Variants in CRHR2 observed in about 807,000 individuals in gnomAD.
CRHR2 encodes corticotropin releasing hormone receptor 2.
A neutral mutation model predicts 57.9 loss-of-function variants in CRHR2; 53 were observed. That is an observed-to-expected ratio of 0.92 (90% confidence interval 0.73 to 1.15). The LOEUF (loss-of-function observed/expected upper bound fraction) is 1.15, where lower values mean the gene tolerates loss of function less well. Among genes scored for constraint, CRHR2 ranks in the 50% most tolerant of loss-of-function variants. The pLI is 0.00. For missense variants in CRHR2, 532 were observed against 542.6 expected (o/e 0.98, Z 0.19); for synonymous variants, 213 against 220.9 (o/e 0.96, Z 0.32).
upstream of CRHR2, among the ~76,000 whole-genome samples, chr7:30,685,683 C>G (rs547381183): frequency 1.3e-5 from 2 of 152,334 alleles, no homozygotes; most frequent in African/African-American, 4.8e-5. Flanking sequence ...AAAGGACTCT[C>G]AGTGACATCC....
intron 2 of CRHR2, among the ~76,000 whole-genome samples, chr7:30,680,475 G>A (rs1460341358): frequency 2.6e-5 from 4 of 152,168 alleles, no homozygotes; most frequent in African/African-American, 9.7e-5. Context: ...CTTTACCCTG[G>A]ATGGCCCTTA....
Position 30,666,736 on chromosome 7 carries a change from G to A in CRHR2, c.315+492C>T, listed in dbSNP as rs532575810. Among the ~76,000 whole-genome samples the A allele has an allele frequency of 3.9e-5, 6 of 152,364 alleles. No homozygotes were observed. In the South Asian group the frequency reaches 6.2e-4, roughly 16 times the overall value. On this transcript the variant is annotated intron_variant, in intron 3 of 11. Transcript: ENST00000471646. ...GGCGTAGCCTCAAGGAGAGGAGTTC[G>A]GTGCCTCAGCAGCACTGAATTGAAT...
At position 30,653,600 on chromosome 7, in the gene CRHR2, C is replaced by G; in HGVS notation, c.1096G>C (p.Val366Leu). The change falls in exon 12 of 12, where the codon GTG becomes CTG. Residue 366 changes from valine (V) to leucine (L), a missense_variant and splice_region_variant. Transcript: ENST00000471646. The surrounding 1 kb of genome is among the most constrained non-coding windows in gnomAD (Gnocchi z 5.0). ...SVFYCFFNGEVRSAVRKRWHR... is the reference protein window; with the variant it reads ...SVFYCFFNGELRSAVRKRWHR... Reference sequence around the variant, plus strand: ...CACCTCTTCCTCACGGCTGAGCGCACCTGTGGGGAAGGCAGAGGCTCAGCT... The same window carrying G: ...CACCTCTTCCTCACGGCTGAGCGCAGCTGTGGGGAAGGCAGAGGCTCAGCT... The G allele has an allele frequency of 6.2e-7, 1 of 1,608,688 alleles. No homozygotes were observed. The highest frequency in any genetic ancestry group is 8.5e-7 in the Non-Finnish European group (1 of 1,178,910).
At chr7:30,684,903 G>A (rs539589528), upstream of CRHR2, among the ~76,000 whole-genome samples, 2 of 152,348 alleles carry the variant, frequency 1.3e-5, no homozygotes, top group Non-Finnish European at 2.9e-5. Flanking sequence ...AACAAAGACA[G>A]GGGCATTTTT....
intron 2 of CRHR2, among the ~76,000 whole-genome samples, chr7:30,674,071 C>G (rs1183870802): frequency 6.6e-6 from 1 of 152,200 alleles, no homozygotes; most frequent in Admixed American, 6.5e-5. Flanking sequence ...CAGAGACCCT[C>G]AACTCCCTAT....
intron 11 of CRHR2, 199 bp downstream of exon 11, chr7:30,654,840 T>G: frequency 6.5e-7 from 1 of 1,544,102 alleles, no homozygotes; most frequent in Non-Finnish European, 8.7e-7. Flanking sequence ...TGGCATGTTA[T>G]TTCGGGGCTG....
At chr7:30,662,586 G>A (rs1242153034) in intron 6 of CRHR2, 108 bp downstream of exon 6, 1 of 1,368,224 alleles carries the variant, frequency 7.3e-7, no homozygotes. Flanking sequence ...GACTGCGCTG[G>A]GGGTGGAGGG....
At chr7:30,676,617 G>A (rs1014763340) in intron 2 of CRHR2, among the ~76,000 whole-genome samples, 2 of 152,158 alleles carry the variant, frequency 1.3e-5, no homozygotes, top group African/African-American at 2.4e-5. Flanking sequence ...CCCTCTTCCC[G>A]ATCTCTGACT....
chr7:30,686,459 C>G (rs760100944), upstream of CRHR2: 88 of 1,530,012 alleles, frequency 5.8e-5, no homozygotes, highest in Non-Finnish European at 7.3e-5. Context: ...TTTGACCAAC[C>G]CTGGCATATG....
At chr7:30,699,354 A>T (rs1785121214) in intron 1 of CRHR2, among the ~76,000 whole-genome samples, 1 of 152,318 alleles carries the variant, frequency 6.6e-6, no homozygotes, top group East Asian at 1.9e-4. Context: ...TGGTTCTCCC[A>T]GAGCCCACTC....
chr7:30,673,502 G>A (rs1784428025), intron 2 of CRHR2, among the ~76,000 whole-genome samples: 2 of 152,204 alleles, frequency 1.3e-5, no homozygotes, highest in Non-Finnish European at 1.5e-5. Context: ...GCAGGCATGA[G>A]CCACCATGCC....
upstream of CRHR2, among the ~76,000 whole-genome samples, chr7:30,684,323 C>T (rs1427187732): frequency 3.9e-5 from 6 of 152,212 alleles, no homozygotes; most frequent in Admixed American, 1.3e-4. Flanking sequence ...CAAGGGATAG[C>T]CCTTCACACA....
intron 7 of CRHR2, among the ~76,000 whole-genome samples, chr7:30,660,974 C>G (rs571067559): frequency 6.6e-6 from 1 of 152,378 alleles, no homozygotes; most frequent in East Asian, 1.9e-4. Flanking sequence ...GAGAGCTGGG[C>G]TCCCCCTTGC....
chr7:30,662,090 G>T, intron 7 of CRHR2, 66 bp downstream of exon 7: 1 of 1,567,726 alleles, frequency 6.4e-7, no homozygotes, highest in Non-Finnish European at 8.8e-7. Flanking sequence ...CAGAGCCCAA[G>T]GCTGACCTGT....
chr7:30,662,254 G>A (rs1159502908), intron 6 of CRHR2, 38 bp from the exon 7 acceptor site: 3 of 1,608,566 alleles, frequency 1.9e-6, no homozygotes, highest in Admixed American at 1.7e-5. Context: ...GGGGACAGAT[G>A]GACAGGGACT....
chr7:30,655,724 G>A lies in CRHR2; in HGVS notation c.918-9C>T, dbSNP rs1178190277. On this transcript the variant is annotated splice_polypyrimidine_tract_variant and intron_variant, in intron 9 of 11. Coordinates refer to ENST00000471646, the MANE Select transcript of CRHR2 (RefSeq NM_001883.5). Reference sequence around the variant, plus strand: ...TGGCCTTCACTGCCTTCCTGGGGGCGAGAGGTGGACACAGGTCTGAGCCCA... The same window carrying A: ...TGGCCTTCACTGCCTTCCTGGGGGCAAGAGGTGGACACAGGTCTGAGCCCA... The A allele has an allele frequency of 8.7e-6, 14 of 1,612,250 alleles. No homozygotes were observed. The highest frequency in any genetic ancestry group is 1.6e-4 in the Middle Eastern group (1 of 6,070).
Position 30,665,532 on chromosome 7 carries a change from C to A in CRHR2, c.423G>T (p.Leu141=). ...LVAAFLLFLA[L]RSIRCLRNVI... is the part of the protein sequence containing the mutation. ...GCAAGGCGGAAGGGCAGACTCACCG[C>A]AGGGCCAGGAAAAGCAGGAAGGCGG... is the stretch of plus-strand genomic sequence containing the variant. The change falls in exon 4 of 12, where the codon CTG becomes CTT. Residue 141 remains leucine, a splice_region_variant and synonymous_variant. Coordinates refer to ENST00000471646, the MANE Select transcript of CRHR2 (RefSeq NM_001883.5). The surrounding 1 kb of genome is among the most constrained non-coding windows in gnomAD (Gnocchi z 4.5). 1 of 1,556,944 alleles carries A rather than the reference C, an allele frequency of 6.4e-7. No homozygotes were observed. The highest frequency in any genetic ancestry group is 8.7e-7 in the Non-Finnish European group (1 of 1,149,694).
chr7:30,681,346 G>A (rs1002367682), intron 2 of CRHR2, among the ~76,000 whole-genome samples: 2 of 152,172 alleles, frequency 1.3e-5, no homozygotes, highest in African/African-American at 4.8e-5. Flanking sequence ...TGGGACCTCG[G>A]ATTAGGGAAG....
rs566277522 is a variant in CRHR2 at position 30,690,888 on chromosome 7, T to C, written c.-260-1604A>G. On this transcript the variant is annotated intron_variant, in intron 1 of 13. Coordinates refer to the CRHR2 transcript ENST00000341843. ...AGGGAAATGCAGGGGAGCAGGTGTG[T>C]GTGTTGTGTGTGTGTCTCGGCACTG... 1.1e-4 allele frequency among the ~76,000 whole-genome samples: 17 copies of C among 152,238 alleles called. No homozygotes were observed. In the South Asian group the frequency reaches 3.5e-3, roughly 32 times the overall value.
Sources: gnomAD v4.1 joint callset for allele counts (sites outside exome capture counted in the v4.1 genomes callset) on GRCh38, gnomAD v4.1.1 for gene constraint, Gnocchi (gnomAD v3.1) non-coding constraint, MANE v1.5 for transcripts, NCBI Gene and HGNC (gene_info 2026-07-23, HGNC 2026-07-21) for gene names.